The following BANP variants were observed in gnomAD, a reference collection of about 807,000 sequenced individuals.
BANP encodes BTG3 associated nuclear protein, also known as protein BANP.
Under a neutral mutation model 68.1 loss-of-function variants are expected in BANP, and 11 were observed. The observed-to-expected ratio is 0.16, with a 90% CI of 0.10 to 0.27. The LOEUF is 0.27. Among genes scored for constraint, BANP ranks in the 10% least tolerant of loss-of-function variants. The pLI is 1.00. For synonymous variants in BANP, 329 were observed against 303.2 expected, an observed-to-expected ratio of 1.09 and a Z score of -0.88; for missense variants, 504 against 722.7, an observed-to-expected ratio of 0.70 and a Z score of 3.47.
At chr16:88,019,550 G>C (rs1343153328) in intron 7 of BANP, among the ~76,000 whole-genome samples, 1 of 138,966 alleles carries the variant, frequency 7.2e-6, no homozygotes, top group Non-Finnish European at 1.6e-5. Flanking sequence ...GGGGGCGTCC[G>C]GGATCTCAGC....
rs140441832 is a variant in BANP, at chr16:88,059,131, G to A, written c.1312-6136G>A. On this transcript the variant is annotated intron_variant, in intron 11 of 13. Transcript: ENST00000682872. Reference sequence around the variant, plus strand: ...TGCTGAGGTCCGTGCTCCTGCTGGTGTGCTGAGGTCCGTGCTCCTGCTGGT... The same window carrying A: ...TGCTGAGGTCCGTGCTCCTGCTGGTATGCTGAGGTCCGTGCTCCTGCTGGT... 4.2e-3 allele frequency among the ~76,000 whole-genome samples: 631 copies of A among 151,370 alleles called. 14 individuals are homozygous for A. Among genetic ancestry groups the A allele is most frequent in the African/African-American group, 0.014 (593 of 41,026 alleles).
chr16:88,020,182 G>A (rs1397299006), intron 7 of BANP, among the ~76,000 whole-genome samples: 2 of 152,234 alleles, frequency 1.3e-5, no homozygotes, highest in Non-Finnish European at 2.9e-5. Context: ...AGGGCCACAC[G>A]GCAGATATTT....
At chr16:87,961,413 C>T (rs1165338954) in intron 1 of BANP, among the ~76,000 whole-genome samples, 1 of 144,760 alleles carries the variant, frequency 6.9e-6, no homozygotes, top group African/African-American at 2.5e-5. Flanking sequence ...ATCTGCACCC[C>T]CCCGGGCCTC....
chr16:88,046,587 C>T (rs1208729265), intron 11 of BANP, among the ~76,000 whole-genome samples: 1 of 151,474 alleles, frequency 6.6e-6, no homozygotes, highest in African/African-American at 2.4e-5. Flanking sequence ...GCTCTGTTGC[C>T]CAGGCTGGAG....
chr16:87,975,534 CG>C lies in BANP; in HGVS notation c.70+351del, dbSNP rs201980265. Among the ~76,000 whole-genome samples, 775 of 147,316 alleles carry C rather than the reference CG, an allele frequency of 5.3e-3. 3 individuals are homozygous for C. The highest frequency in any genetic ancestry group is 0.023 in the Middle Eastern group (6 of 260). Reference sequence around the variant, plus strand: ...TGTTGTATGTGTAATCCCCTGTGTGCGGCGTCATGGAACCTTACCATGTTGT... The same window carrying C: ...TGTTGTATGTGTAATCCCCTGTGTGCGCGTCATGGAACCTTACCATGTTGT... On this transcript the variant is annotated intron_variant, in intron 2 of 13. Coordinates refer to ENST00000682872, the MANE Select transcript of BANP (RefSeq NM_001386991.1).
chr16:88,013,597 C>A (rs1368249049), intron 6 of BANP, among the ~76,000 whole-genome samples: 1 of 152,238 alleles, frequency 6.6e-6, no homozygotes, highest in Non-Finnish European at 1.5e-5. Flanking sequence ...CCTTAGACTG[C>A]TGCCTGCACC....
intron 2 of BANP, chr16:87,978,319 G>A: frequency 4.3e-6 from 1 of 232,770 alleles, no homozygotes; most frequent in East Asian, 1.1e-4. Context: ...CTCTTCTGCT[G>A]TTATGACGAA....
intron 7 of BANP, among the ~76,000 whole-genome samples, chr16:88,026,547 CTG>C (rs2077028668): frequency 6.6e-6 from 1 of 152,150 alleles, no homozygotes; most frequent in Non-Finnish European, 1.5e-5. Context: ...ATTCTCCAAA[CTG>C]TGTTTGCGAG....
chr16:88,020,605 G>A lies in BANP; in HGVS notation c.895+1938G>A, dbSNP rs141686315. Among the ~76,000 whole-genome samples the A allele has an allele frequency of 1.1e-4, 16 of 152,328 alleles. No homozygotes were observed. In the East Asian group the frequency reaches 3.1e-3, roughly 29 times the overall value. ...GGGCTACAGGTTGGAGGCGCAGCCT[G>A]GACAGAGAGGAGTGGGTGCTCTTTG... On this transcript the variant is annotated intron_variant, in intron 7 of 13. Transcript: ENST00000682872.
chr16:87,981,414 C>T (rs563309257), intron 3 of BANP, among the ~76,000 whole-genome samples: 1 of 152,344 alleles, frequency 6.6e-6, no homozygotes, highest in East Asian at 1.9e-4. Flanking sequence ...GTGTCTGTGA[C>T]TGTTTCCCCT....
intron 6 of BANP, among the ~76,000 whole-genome samples, chr16:88,006,595 G>A (rs573550310): frequency 2.0e-4 from 30 of 150,058 alleles, no homozygotes; most frequent in Middle Eastern, 3.4e-3. Context: ...GCGGTGAACC[G>A]AGATCATGCC....
intron 11 of BANP, among the ~76,000 whole-genome samples, chr16:88,050,624 G>C (rs894043961): frequency 6.6e-6 from 1 of 152,204 alleles, no homozygotes; most frequent in African/African-American, 2.4e-5. Context: ...GATTGTGTAA[G>C]AGCATCTGCA....
chr16:88,008,965 G>T (rs1040337994), intron 6 of BANP, among the ~76,000 whole-genome samples: 6 of 152,228 alleles, frequency 3.9e-5, no homozygotes, highest in Admixed American at 3.9e-4. Context: ...ATATCCCAGT[G>T]GGGTCGGTGT....
At position 88,017,746 on chromosome 16, in the gene BANP, G is replaced by A. The variant is rs143271205; in HGVS notation, c.656-682G>A. On this transcript the variant is annotated intron_variant, in intron 6 of 13. Coordinates refer to ENST00000682872, the MANE Select transcript of BANP (RefSeq NM_001386991.1). ...GCCACTCCAGGTGTCTGGGCACCGTGTCTCCTCCATGTGGAGTGTGGGCCT... is the reference window on the plus strand; with the variant it reads ...GCCACTCCAGGTGTCTGGGCACCGTATCTCCTCCATGTGGAGTGTGGGCCT... Among the ~76,000 whole-genome samples, 208 of 152,344 alleles carry A rather than the reference G, an allele frequency of 1.4e-3. 1 individual carries two copies. The highest frequency in any genetic ancestry group is 4.8e-3 in the African/African-American group (199 of 41,572).
intron 1 of BANP, among the ~76,000 whole-genome samples, chr16:87,972,651 G>T (rs12925998): frequency 6.6e-6 from 1 of 151,908 alleles, no homozygotes. Flanking sequence ...CAGTGTTTTG[G>T]GTTCTTTCCT....
chr16:88,020,397 C>T (rs1014208908), intron 7 of BANP, among the ~76,000 whole-genome samples: 13 of 152,250 alleles, frequency 8.5e-5, no homozygotes, highest in Admixed American at 6.5e-5. Flanking sequence ...ACGTGATGTG[C>T]TTCCAGCTTG....
Position 88,036,615 on chromosome 16 carries a change from G to A in BANP, c.1272+1221G>A, listed in dbSNP as rs547985721. On this transcript the variant is annotated intron_variant, in intron 10 of 13. Transcript: ENST00000682872. This position sits in a 1 kb window ranked among gnomAD's most constrained non-coding sequence, Gnocchi z 4.2. The stretch of plus-strand genomic sequence containing the variant: ...AGGGGAGCACATGCGTAAGGGTTCT[G>A]AGGGCGGAATGAGGATGAGGTGAAA... Among the ~76,000 whole-genome samples the A allele has an allele frequency of 1.3e-5, 2 of 152,292 alleles. No homozygotes were observed. Among genetic ancestry groups the A allele is most frequent in the South Asian group, 4.1e-4 (2 of 4,826 alleles).
chr16:87,972,787 TTTTG>T (rs1171262697), intron 1 of BANP, among the ~76,000 whole-genome samples: 15 of 152,222 alleles, frequency 9.9e-5, no homozygotes, highest in Non-Finnish European at 1.6e-4. Flanking sequence ...GCCCTGCACA[TTTTG>T]TGTTCAGTTC....
intron 11 of BANP, among the ~76,000 whole-genome samples, chr16:88,063,529 T>G (rs1185171982): frequency 6.6e-6 from 1 of 152,262 alleles, no homozygotes; most frequent in Non-Finnish European, 1.5e-5. Flanking sequence ...GGGTGACCGC[T>G]GGTCATTTCT....
Sources: allele counts gnomAD v4.1 joint callset (sites outside exome capture counted in the v4.1 genomes callset), GRCh38; gene constraint gnomAD v4.1.1; non-coding constraint Gnocchi (gnomAD v3.1); transcripts MANE v1.5; gene names NCBI Gene and HGNC (gene_info 2026-07-23, HGNC 2026-07-21).